GALNTL6: variants seen among roughly 807,000 people sequenced by gnomAD.
GALNTL6 encodes the protein polypeptide N-acetylgalactosaminyltransferase like 6.
GALNTL6 carries 46 observed loss-of-function variants against 73.7 expected under a neutral mutation model. The ratio of observed to expected loss-of-function variants is 0.62; its 90% CI spans 0.49 to 0.80. The LOEUF is 0.80. GALNTL6 is among the 30% of genes least tolerant of loss of function. GALNTL6 has a pLI of 0.00. For missense variants in GALNTL6, 604 were observed against 755.0 expected, an observed-to-expected ratio of 0.80 and a Z score of 2.34; for synonymous variants, 259 against 263.7, an observed-to-expected ratio of 0.98 and a Z score of 0.17.
At chr4:172,430,034 TTAG>T (rs1234408493) in intron 5 of GALNTL6, among the ~76,000 whole-genome samples, 1 of 151,876 alleles carries the variant, frequency 6.6e-6, no homozygotes, top group Non-Finnish European at 1.5e-5. Flanking sequence ...TTCTTACAAC[TTAG>T]TATGAATGCG....
chr4:172,844,768 A>T (rs1238860361), intron 7 of GALNTL6, among the ~76,000 whole-genome samples: 1 of 152,204 alleles, frequency 6.6e-6, no homozygotes, highest in Non-Finnish European at 1.5e-5. Flanking sequence ...TTATGCAAGC[A>T]TTGCATAAGC....
intron 7 of GALNTL6, among the ~76,000 whole-genome samples, chr4:172,879,615 C>G (rs1341225294): frequency 1.3e-5 from 2 of 151,818 alleles, no homozygotes; most frequent in Non-Finnish European, 3.0e-5. Context: ...TTGTAGTAGT[C>G]TGCTAAAGCA....
chr4:172,920,342 T>C (rs1048561730), intron 8 of GALNTL6, among the ~76,000 whole-genome samples: 4 of 152,240 alleles, frequency 2.6e-5, no homozygotes, highest in Admixed American at 2.0e-4. Flanking sequence ...TGTGGAAGTG[T>C]ATCTTCCCAA....
At chr4:171,849,757 C>G (rs182039852) in intron 2 of GALNTL6, among the ~76,000 whole-genome samples, 1 of 152,064 alleles carries the variant, frequency 6.6e-6, no homozygotes, top group Non-Finnish European at 1.5e-5. Flanking sequence ...GTGGCCATGC[C>G]GCAGGCTGGG....
At chr4:172,469,251 A>G (rs1732950341) in intron 5 of GALNTL6, among the ~76,000 whole-genome samples, 1 of 152,136 alleles carries the variant, frequency 6.6e-6, no homozygotes, top group Non-Finnish European at 1.5e-5. Context: ...ATAGAGGTAG[A>G]TTATCTTGGA....
At chr4:172,473,019 T>TA (rs1423913299) in intron 5 of GALNTL6, among the ~76,000 whole-genome samples, 1 of 152,178 alleles carries the variant, frequency 6.6e-6, no homozygotes, top group African/African-American at 2.4e-5. Flanking sequence ...CAATTCTTGA[T>TA]ATATCTGAAT....
intron 2 of GALNTL6, among the ~76,000 whole-genome samples, chr4:172,154,157 G>GTT (rs150388060): frequency 6.5e-4 from 89 of 137,714 alleles, no homozygotes; most frequent in Middle Eastern, 3.7e-3. Flanking sequence ...AATCACATGA[G>GTT]TTTTTTTTTT....
At chr4:172,101,339 T>A (rs1732512011) in intron 2 of GALNTL6, among the ~76,000 whole-genome samples, 1 of 152,226 alleles carries the variant, frequency 6.6e-6, no homozygotes, top group Non-Finnish European at 1.5e-5. Flanking sequence ...CAGAGCCTAC[T>A]GTTTTGAATA....
At chr4:172,651,369 A>G (rs2111151711) in intron 5 of GALNTL6, among the ~76,000 whole-genome samples, 1 of 152,332 alleles carries the variant, frequency 6.6e-6, no homozygotes, top group Non-Finnish European at 1.5e-5. Context: ...GCAGTCAAAC[A>G]ACTTCAAGTT....
In GALNTL6 at chr4:172,929,892, C is replaced by A. The variant is rs565030634; in HGVS notation, c.1042-1269C>A. 1.3e-4 allele frequency among the ~76,000 whole-genome samples: 20 copies of A among 152,242 alleles called. 1 individual carries two copies. The South Asian group carries it at 4.1e-3, about 32-fold the overall frequency. On this transcript the variant is annotated intron_variant, in intron 8 of 12. Coordinates refer to ENST00000506823, the MANE Select transcript of GALNTL6 (RefSeq NM_001034845.3). The stretch of plus-strand genomic sequence containing the variant: ...AATTAGTTCTTTTATAATAGAAGAT[C>A]TGTTATATAAAACCACAATTAAGTG...
chr4:171,961,185 G>A (rs191864161), intron 2 of GALNTL6, among the ~76,000 whole-genome samples: 114 of 152,266 alleles, frequency 7.5e-4, no homozygotes, highest in Admixed American at 2.0e-3. Flanking sequence ...CCAGGGAATT[G>A]ACTGAAATGG....
intron 5 of GALNTL6, among the ~76,000 whole-genome samples, chr4:172,514,252 C>G (rs1298126881): frequency 3.3e-5 from 5 of 152,152 alleles, no homozygotes; most frequent in Non-Finnish European, 7.3e-5. Context: ...TGCCTGAACT[C>G]AGACTCTCCT....
rs1579057117 is a variant in GALNTL6, at chr4:172,011,968, T to C, written c.138+197250T>C. On this transcript the variant is annotated intron_variant, in intron 2 of 12. Transcript: ENST00000506823. ...GGTGAACTAAGACCTTGCTAAGTAA[T>C]GGAGAATTTTTTAAAAAGTGCAAGC... is the stretch of plus-strand genomic sequence containing the variant. Among the ~76,000 whole-genome samples the C allele has an allele frequency of 7.2e-5, 11 of 152,154 alleles. No homozygotes were observed. The South Asian group carries it at 2.3e-3, about 32-fold the overall frequency.
chr4:172,035,718 A>G (rs2110829609), intron 2 of GALNTL6, among the ~76,000 whole-genome samples: 1 of 152,234 alleles, frequency 6.6e-6, no homozygotes, highest in Non-Finnish European at 1.5e-5. Flanking sequence ...CACTCCTTTC[A>G]TATTTCATGA....
chr4:173,031,890 T>C (rs1753475220), intron 12 of GALNTL6, among the ~76,000 whole-genome samples: 1 of 152,184 alleles, frequency 6.6e-6, no homozygotes, highest in Admixed American at 6.5e-5. Context: ...CACTGGGCAC[T>C]ATCCAGATCA....
At chr4:172,476,295 G>T (rs559148659) in intron 5 of GALNTL6, among the ~76,000 whole-genome samples, 1 of 152,264 alleles carries the variant, frequency 6.6e-6, no homozygotes, top group South Asian at 2.1e-4. Context: ...GTTTCCTGAG[G>T]CCTCTTTTGC....
intron 5 of GALNTL6, among the ~76,000 whole-genome samples, chr4:172,631,682 T>C (rs888074620): frequency 9.2e-5 from 14 of 152,234 alleles, no homozygotes; most frequent in Non-Finnish European, 1.5e-5. Context: ...ACAATGTTTT[T>C]GTGAAGCAAA....
At position 172,809,912 on chromosome 4, in the gene GALNTL6, TACACAC is replaced by T. The variant is rs5864170; in HGVS notation, c.739+400_739+405del. 5.3e-3 allele frequency among the ~76,000 whole-genome samples: 752 copies of T among 141,226 alleles called. 7 individuals carry two copies. The highest frequency in any genetic ancestry group is 0.014 in the African/African-American group (540 of 38,454). The allele number at this position is 141,226 out of a possible 152,430, so 92.6% of individuals were successfully genotyped here. ...TCCTGTAGCTACAGCAAGATTAAAA[TACACAC>T]ACACACACACACACACACACACACA... On this transcript the variant is annotated intron_variant, in intron 6 of 12. Transcript: ENST00000506823. The surrounding 1 kb of genome is among the most constrained non-coding windows in gnomAD (Gnocchi z 4.4).
At chr4:171,998,939 G>T (rs1022370820) in intron 2 of GALNTL6, among the ~76,000 whole-genome samples, 13 of 152,174 alleles carry the variant, frequency 8.5e-5, no homozygotes, top group African/African-American at 1.7e-4. Flanking sequence ...CCTAGGACTG[G>T]TTCCTGGGGA....
Sources: gnomAD v4.1 joint callset for allele counts (sites outside exome capture counted in the v4.1 genomes callset) on GRCh38, gnomAD v4.1.1 for gene constraint, Gnocchi (gnomAD v3.1) non-coding constraint, MANE v1.5 for transcripts, NCBI Gene and HGNC (gene_info 2026-07-23, HGNC 2026-07-21) for gene names.